The following TANC2 variants were observed in gnomAD, a reference collection of about 807,000 sequenced individuals.
The protein encoded by TANC2 is protein TANC2.
A neutral mutation model predicts 210.5 loss-of-function variants in TANC2; 26 were observed. The observed-to-expected ratio is 0.12, with a 90% confidence interval of 0.09 to 0.17. The LOEUF is 0.17. Among genes scored for constraint, TANC2 ranks in the 10% least tolerant of loss-of-function variants. The pLI, the probability that TANC2 is intolerant of heterozygous loss-of-function variation, is 1.00. For missense variants in TANC2, 2,129 were observed against 2,608.9 expected (o/e 0.82, Z 4.01); for synonymous variants, 931 against 967.1 (o/e 0.96, Z 0.69).
intron 9 of TANC2, among the ~76,000 whole-genome samples, chr17:63,273,552 T>G (rs560105796): frequency 6.6e-6 from 1 of 152,182 alleles, no homozygotes; most frequent in East Asian, 1.9e-4. Flanking sequence ...CTCTTAGTAC[T>G]GTAAATATAG....
At chr17:63,210,868 A>G (rs1381876111) in intron 7 of TANC2, among the ~76,000 whole-genome samples, 1 of 152,108 alleles carries the variant, frequency 6.6e-6, no homozygotes, top group Non-Finnish European at 1.5e-5. Flanking sequence ...TTCTTTTTGA[A>G]TCAGTTTCCT....
At chr17:63,123,858 C>T (rs1330262931) in intron 4 of TANC2, among the ~76,000 whole-genome samples, 2 of 151,308 alleles carry the variant, frequency 1.3e-5, no homozygotes, top group African/African-American at 2.4e-5. Flanking sequence ...CCTGCCACCA[C>T]GCCCAGCTGA....
chr17:63,097,689 A>T (rs1272086927), intron 3 of TANC2, among the ~76,000 whole-genome samples: 3 of 152,112 alleles, frequency 2.0e-5, no homozygotes, highest in African/African-American at 7.2e-5. Flanking sequence ...CTTGTTCTAG[A>T]TGTTAGACTC....
At chr17:63,236,388 A>G (rs1486711866) in intron 7 of TANC2, among the ~76,000 whole-genome samples, 2 of 152,150 alleles carry the variant, frequency 1.3e-5, no homozygotes, top group Non-Finnish European at 2.9e-5. Flanking sequence ...AAGAAGTGAA[A>G]TGATCATCAG....
At chr17:63,174,174 A>G (rs2040499796) in intron 5 of TANC2, among the ~76,000 whole-genome samples, 2 of 152,224 alleles carry the variant, frequency 1.3e-5, no homozygotes, top group African/African-American at 2.4e-5. Context: ...ACATTAATTG[A>G]TTTGACTTAG....
chr17:63,209,581 G>C (rs200896671), intron 7 of TANC2, among the ~76,000 whole-genome samples: 3 of 151,894 alleles, frequency 2.0e-5, no homozygotes, highest in African/African-American at 7.3e-5. Context: ...TTACAGGCAC[G>C]CACCACCATG....
chr17:62,977,375 A>G (rs762876766), intron 1 of TANC2, among the ~76,000 whole-genome samples: 5 of 152,364 alleles, frequency 3.3e-5, no homozygotes, highest in Admixed American at 2.6e-4. Flanking sequence ...GTTATAAACT[A>G]AAGAATAGTT....
rs367810529 is a variant in TANC2, at chr17:63,149,161, ACT to A, written c.323-2104_323-2103del. 456 of 151,884 alleles carry A rather than the reference ACT, an allele frequency of 3.0e-3. 1 individual carries two copies. The highest frequency in any genetic ancestry group is 0.011 in the African/African-American group (438 of 41,428). 9.4% of individuals were successfully genotyped at this position (151,884 alleles called of 1,614,324 possible). The stretch of plus-strand genomic sequence containing the variant: ...CATCGAGCTTCATAGATCTAAAATA[ACT>A]CTCTTTGCTGGAGAATTGTGTATTT... On this transcript the variant is annotated intron_variant, in intron 4 of 27. Coordinates refer to ENST00000689528, the Ensembl canonical transcript of TANC2.
At chr17:63,314,250 G>C (rs1293632825) in intron 9 of TANC2, 138 bp from the exon 10 acceptor site, 1 of 882,618 alleles carries the variant, frequency 1.1e-6, no homozygotes, top group African/African-American at 1.7e-5. Context: ...AACATTCGCA[G>C]TTGCATTATT....
At chr17:63,286,241 C>T (rs1308350151) in intron 9 of TANC2, among the ~76,000 whole-genome samples, 1 of 152,168 alleles carries the variant, frequency 6.6e-6, no homozygotes, top group Non-Finnish European at 1.5e-5. Context: ...TGCTGTCTTT[C>T]CTTCTGCCTG....
At chr17:63,175,917 G>T (rs2040564428) in intron 5 of TANC2, among the ~76,000 whole-genome samples, 1 of 152,232 alleles carries the variant, frequency 6.6e-6, no homozygotes, top group African/African-American at 2.4e-5. Context: ...GTTCACAAAA[G>T]AAGATGTAAG....
At chr17:63,138,081 A>G (rs531690955) in intron 4 of TANC2, among the ~76,000 whole-genome samples, 16 of 152,244 alleles carry the variant, frequency 1.1e-4, no homozygotes, top group East Asian at 9.7e-4. Flanking sequence ...ATTGGAAACA[A>G]TGTGTTCCAG....
chr17:63,053,753 T>A (rs927230306), intron 2 of TANC2, among the ~76,000 whole-genome samples: 1 of 152,250 alleles, frequency 6.6e-6, no homozygotes, highest in South Asian at 2.1e-4. Context: ...TCAGTTCTTT[T>A]GCAGTCTTTC....
chr17:63,379,868 A>C, intron 15 of TANC2, 42 bp downstream of exon 15: 1 of 1,496,332 alleles, frequency 6.7e-7, no homozygotes, highest in Non-Finnish European at 9.3e-7. Context: ...CATCTCTAGC[A>C]GACTTTCATA....
At chr17:63,073,154 T>C (rs981525876) in intron 2 of TANC2, among the ~76,000 whole-genome samples, 3 of 152,116 alleles carry the variant, frequency 2.0e-5, no homozygotes, top group African/African-American at 7.2e-5. Flanking sequence ...TAGACCACTA[T>C]GTTAAAGATT....
chr17:63,121,807 A>G (rs1473685267), intron 4 of TANC2, among the ~76,000 whole-genome samples: 1 of 152,044 alleles, frequency 6.6e-6, no homozygotes, highest in Admixed American at 6.6e-5. Context: ...AAAAATAGAA[A>G]TTCTAATTAG....
chr17:63,055,811 G>A (rs1006767798), intron 2 of TANC2, among the ~76,000 whole-genome samples: 4 of 149,168 alleles, frequency 2.7e-5, no homozygotes, highest in African/African-American at 9.8e-5. Flanking sequence ...TTTGAGTAAT[G>A]GATTCCTAGA....
chr17:62,996,999 T>TTTTTTTTTTTTTG (rs1241944607), intron 1 of TANC2, among the ~76,000 whole-genome samples: 2 of 144,134 alleles, frequency 1.4e-5, no homozygotes, highest in African/African-American at 2.6e-5. Context: ...ATTTTTAGTA[T>TTTTTTTTTTTTTG]AGATGGGGTT....
Position 63,296,719 on chromosome 17 carries a change from A to G in TANC2, c.1160-17669A>G, listed in dbSNP as rs1237240616. On this transcript the variant is annotated intron_variant, in intron 9 of 27. Transcript: ENST00000689528. ...GCAAATAGAGTATATCAACAGAGAC[A>G]GAAATTATAAAAAGGAAACAAATAG... Among the ~76,000 whole-genome samples the G allele has an allele frequency of 2.6e-5, 4 of 152,252 alleles. No homozygotes were observed. The East Asian group carries it at 7.7e-4, about 29-fold the overall frequency.
Sources: allele counts gnomAD v4.1 joint callset (sites outside exome capture counted in the v4.1 genomes callset), GRCh38; gene constraint gnomAD v4.1.1; transcripts MANE v1.5; gene names NCBI Gene and HGNC (gene_info 2026-07-23, HGNC 2026-07-21).